Variants in SLAMF1 observed in about 807,000 individuals in gnomAD.
SLAMF1 encodes the protein signaling lymphocytic activation molecule.
SLAMF1 carries 18 observed loss-of-function variants against 35.1 expected under a neutral mutation model. The ratio of observed to expected loss-of-function variants is 0.51; its 90% CI spans 0.35 to 0.76. The LOEUF is 0.76. Ranked by LOEUF, SLAMF1 falls within the 30% of genes least tolerant of loss-of-function variation. The probability of loss-of-function intolerance (pLI) is 0.01; values close to 1 mark genes in which losing one functional copy is unlikely to be tolerated. For missense variants in SLAMF1, 392 were observed against 413.0 expected, an observed-to-expected ratio of 0.95 and a Z score of 0.44; for synonymous variants, 168 against 157.2, an observed-to-expected ratio of 1.07 and a Z score of -0.51.
At chr1:160,640,375 CATAT>C (rs148077004) in intron 1 of SLAMF1, among the ~76,000 whole-genome samples, 1 of 131,040 alleles carries the variant, frequency 7.6e-6, no homozygotes, top group Non-Finnish European at 1.6e-5. Flanking sequence ...CACACACACA[CATAT>C]ATATATATAC....
At chr1:160,641,841 TAA>T (rs1336041193) in intron 1 of SLAMF1, among the ~76,000 whole-genome samples, 1 of 152,204 alleles carries the variant, frequency 6.6e-6, no homozygotes, top group Non-Finnish European at 1.5e-5. Context: ...CCTTATTTAC[TAA>T]AAGAGTCTGG....
chr1:160,625,381 T>C (rs1271997869), intron 3 of SLAMF1, among the ~76,000 whole-genome samples: 1 of 152,056 alleles, frequency 6.6e-6, no homozygotes, highest in Non-Finnish European at 1.5e-5. Flanking sequence ...AATAGTCGGG[T>C]TCCAAAGGAA....
At chr1:160,619,693 G>T in intron 5 of SLAMF1, 83 bp downstream of exon 5, 1 of 902,746 alleles carries the variant, frequency 1.1e-6, no homozygotes, top group Non-Finnish European at 1.9e-6. Flanking sequence ...GGAAAACTGT[G>T]AATGTCCAAC....
chr1:160,618,196 T>C (rs1169330247), intron 5 of SLAMF1, among the ~76,000 whole-genome samples: 1 of 152,218 alleles, frequency 6.6e-6, no homozygotes, highest in Admixed American at 6.5e-5. Flanking sequence ...GATAAGTTGA[T>C]TCTAAAATAC....
At chr1:160,635,812 C>A (rs1032217487) in intron 2 of SLAMF1, among the ~76,000 whole-genome samples, 1 of 151,906 alleles carries the variant, frequency 6.6e-6, no homozygotes, top group African/African-American at 2.4e-5. Context: ...ATCTCCTGAC[C>A]TTGTGATCCG....
At chr1:160,636,446 G>C (rs141730766) in intron 2 of SLAMF1, among the ~76,000 whole-genome samples, 257 of 152,330 alleles carry the variant, frequency 1.7e-3, no homozygotes, top group African/African-American at 5.9e-3. Flanking sequence ...GCCCCATGTG[G>C]CTATCAGGAT....
intron 1 of SLAMF1, among the ~76,000 whole-genome samples, chr1:160,645,463 C>T (rs1660992433): frequency 6.6e-6 from 1 of 152,218 alleles, no homozygotes. Context: ...CTTCCAAAGC[C>T]TCAATAAGAC....
At chr1:160,643,952 A>T (rs1337791495) in intron 1 of SLAMF1, among the ~76,000 whole-genome samples, 1 of 152,244 alleles carries the variant, frequency 6.6e-6, no homozygotes, top group Non-Finnish European at 1.5e-5. Flanking sequence ...ACTCTTGTGT[A>T]CTGTTGAAGT....
chr1:160,635,800 CG>C (rs1660424447), intron 2 of SLAMF1, among the ~76,000 whole-genome samples: 1 of 151,100 alleles, frequency 6.6e-6, no homozygotes, highest in Admixed American at 6.6e-5. Context: ...AGGATGGTCT[CG>C]ATCTCCTGAC....
chr1:160,627,892 G>A (rs190653231), intron 3 of SLAMF1, among the ~76,000 whole-genome samples: 1 of 152,260 alleles, frequency 6.6e-6, no homozygotes, highest in East Asian at 1.9e-4. Context: ...GTGGGGCCAG[G>A]TGGAGATAAT....
intron 4 of SLAMF1, among the ~76,000 whole-genome samples, chr1:160,623,006 A>T (rs1481907223): frequency 6.6e-6 from 1 of 152,140 alleles, no homozygotes; most frequent in Non-Finnish European, 1.5e-5. Flanking sequence ...CAAATGGTGA[A>T]TGGGGTTGAG....
chr1:160,635,738 ATT>A (rs33918009), intron 2 of SLAMF1, among the ~76,000 whole-genome samples: 1 of 144,274 alleles, frequency 6.9e-6, no homozygotes. Context: ...TGCTGAGCTA[ATT>A]TTTTTTTTTT....
Position 160,610,650 on chromosome 1 carries a change from C to T in SLAMF1, c.*98G>A. 1.2e-6 allele frequency: 1 copy of T among 809,842 alleles called. No homozygotes were observed. Among genetic ancestry groups the T allele is most frequent in the Non-Finnish European group, 2.2e-6 (1 of 455,850 alleles). 50.2% of individuals were successfully genotyped at this position (809,842 alleles called of 1,614,324 possible). A position where few individuals can be genotyped will look rare whatever the true frequency, so the allele number is the denominator to read the frequency against. ...ATCTGAGAAGGGTACAGACGTGCAGCATGTCTGCCAGAGGAAACTTGGGGC... is the reference window on the plus strand; with the variant it reads ...ATCTGAGAAGGGTACAGACGTGCAGTATGTCTGCCAGAGGAAACTTGGGGC... On this transcript the variant is annotated 3_prime_UTR_variant, in exon 7 of 7. Coordinates refer to ENST00000302035, the MANE Select transcript of SLAMF1 (RefSeq NM_003037.5).
intron 3 of SLAMF1, among the ~76,000 whole-genome samples, chr1:160,629,449 C>T (rs1660055020): frequency 6.6e-6 from 1 of 152,104 alleles, no homozygotes; most frequent in Admixed American, 6.5e-5. Flanking sequence ...ACGGTGGGAG[C>T]GTGCCGGATC....
chr1:160,610,930 A>C, intron 6 of SLAMF1, 132 bp from the exon 7 acceptor site: 1 of 726,684 alleles, frequency 1.4e-6, no homozygotes. Context: ...TGTCACAGAC[A>C]GGGCCTTGCT....
intron 3 of SLAMF1, among the ~76,000 whole-genome samples, chr1:160,631,026 CTCGGA>C (rs1190158267): frequency 2.0e-5 from 3 of 151,960 alleles, no homozygotes; most frequent in South Asian, 2.1e-4. Flanking sequence ...ACTGTCTAAT[CTCGGA>C]TCATTGTTTA....
intron 1 of SLAMF1, among the ~76,000 whole-genome samples, chr1:160,643,830 G>A (rs187779423): frequency 9.2e-4 from 140 of 152,156 alleles, no homozygotes; most frequent in African/African-American, 2.0e-3. Flanking sequence ...TATAGTCACC[G>A]TACTGATCTA....
Position 160,612,089 on chromosome 1 carries a change from A to G in SLAMF1, c.957+399T>C, listed in dbSNP as rs550185253. Among the ~76,000 whole-genome samples, 8 of 152,218 alleles carry G rather than the reference A, an allele frequency of 5.3e-5. No homozygotes were observed. The South Asian group carries it at 8.3e-4, about 16-fold the overall frequency. On this transcript the variant is annotated intron_variant, in intron 6 of 6. Coordinates refer to ENST00000302035, the MANE Select transcript of SLAMF1 (RefSeq NM_003037.5). ...AACTCTCAGGGAAACACTGGCCAGC[A>G]GGGGGTTAGCAGTGGCCCCGTGTGA...
chr1:160,643,364 T>G (rs1364782385), intron 1 of SLAMF1, among the ~76,000 whole-genome samples: 1 of 152,182 alleles, frequency 6.6e-6, no homozygotes, highest in Admixed American at 6.5e-5. Flanking sequence ...GCTGGCCTGC[T>G]TAGGAAGATA....
Sources: allele counts gnomAD v4.1 joint callset (sites outside exome capture counted in the v4.1 genomes callset), GRCh38; gene constraint gnomAD v4.1.1; transcripts MANE v1.5; gene names NCBI Gene and HGNC (gene_info 2026-07-23, HGNC 2026-07-21).